The following SLCO6A1 variants were observed in gnomAD, a reference collection of about 807,000 sequenced individuals.
SLCO6A1 encodes the protein cancer/testis antigen 48.
In SLCO6A1, 65 loss-of-function variants were observed where a neutral mutation model predicts 72.7. The observed-to-expected ratio is 0.89, with a 90% CI of 0.73 to 1.10. The LOEUF is 1.10. Ranked by LOEUF, SLCO6A1 falls within the 50% of genes least tolerant of loss-of-function variation. SLCO6A1 has a pLI of 0.00. For synonymous variants in SLCO6A1, 314 were observed against 298.2 expected, an observed-to-expected ratio of 1.05 and a Z score of -0.55; for missense variants, 874 against 872.6, an observed-to-expected ratio of 1.00 and a Z score of -0.02.
At chr5:102,452,432 T>C (rs1326894638) in intron 6 of SLCO6A1, among the ~76,000 whole-genome samples, 1 of 152,172 alleles carries the variant, frequency 6.6e-6, no homozygotes, top group African/African-American at 2.4e-5. Flanking sequence ...TTTTTTCTTA[T>C]CCTCTGTTCT....
At position 102,459,665 on chromosome 5, in the gene SLCO6A1, T is replaced by C; in HGVS notation, c.1012A>G (p.Asn338Asp). The C allele has an allele frequency of 2.5e-6, 4 of 1,581,844 alleles. No homozygotes were observed. The highest frequency in any genetic ancestry group is 2.6e-6 in the Non-Finnish European group (3 of 1,170,838). The change falls in exon 5 of 14, where the codon AAT becomes GAT. Residue 338 changes from asparagine to aspartate, a missense_variant. Transcript: ENST00000506729. Reference protein sequence around the residue: ...TLIPLSCFPNNMPGSTRIKAR... With the variant: ...TLIPLSCFPNDMPGSTRIKAR... ...TACATTTTATAGTCACCTGGCATATTGTTTGGAAAGCATGACAATGGTATT... is the reference window on the plus strand; with the variant it reads ...TACATTTTATAGTCACCTGGCATATCGTTTGGAAAGCATGACAATGGTATT...
intron 6 of SLCO6A1, among the ~76,000 whole-genome samples, chr5:102,442,106 C>G (rs565126227): frequency 6.6e-6 from 1 of 152,232 alleles, no homozygotes; most frequent in African/African-American, 2.4e-5. Flanking sequence ...CTGCAACAGG[C>G]AGAATAAGAA....
chr5:102,484,737 C>T (rs528539995), intron 1 of SLCO6A1, among the ~76,000 whole-genome samples: 1 of 151,952 alleles, frequency 6.6e-6, no homozygotes, highest in African/African-American at 2.4e-5. Flanking sequence ...TAAAACATTT[C>T]CAAGCATTTT....
chr5:102,394,892 A>G (rs1017770334), intron 10 of SLCO6A1, among the ~76,000 whole-genome samples: 6 of 152,150 alleles, frequency 3.9e-5, no homozygotes, highest in Non-Finnish European at 7.4e-5. Flanking sequence ...AAGTTACAAC[A>G]GAACCATTTT....
chr5:102,481,640 T>A (rs1379006170), intron 1 of SLCO6A1, among the ~76,000 whole-genome samples: 1 of 152,112 alleles, frequency 6.6e-6, no homozygotes, highest in Non-Finnish European at 1.5e-5. Flanking sequence ...TGGTATACAT[T>A]TTCACCCTTC....
intron 5 of SLCO6A1, among the ~76,000 whole-genome samples, chr5:102,459,163 G>A (rs1025116107): frequency 5.9e-5 from 9 of 152,074 alleles, no homozygotes; most frequent in Admixed American, 3.9e-4. Context: ...TAATCTCAAC[G>A]CGTTGTGAAG....
At chr5:102,382,945 T>C (rs1746192271) in intron 12 of SLCO6A1, among the ~76,000 whole-genome samples, 2 of 140,748 alleles carry the variant, frequency 1.4e-5, no homozygotes, top group Admixed American at 1.4e-4. Context: ...TGTGTGTATA[T>C]ATATGAGAGA....
Position 102,420,016 on chromosome 5 carries a change from C to T in SLCO6A1, c.1282G>A (p.Val428Ile). ...CCAAGTGCACCTCCTGGAATTAAAA[C>T]AAGTCCTAAAAAAAAGGAGGAGAAA... ...PTVATTLAGL[V>I]LIPGGALGQL... The change falls in exon 8 of 14, where the codon GTT becomes ATT. Residue 428 changes from valine (V) to isoleucine (I), a missense_variant. Physicochemically the swap from Val to Ile is conservative, Grantham distance 29 (BLOSUM62 3). Transcript: ENST00000506729. 6.4e-7 allele frequency: 1 copy of T among 1,563,652 alleles called. No individual in the cohort carries two copies. Among genetic ancestry groups the T allele is most frequent in the Non-Finnish European group, 8.6e-7 (1 of 1,163,910 alleles).
intron 8 of SLCO6A1, among the ~76,000 whole-genome samples, chr5:102,415,233 G>A (rs1211442746): frequency 6.6e-6 from 1 of 151,934 alleles, no homozygotes; most frequent in Non-Finnish European, 1.5e-5. Context: ...AACAAAACTA[G>A]AAGCCCAAAT....
chr5:102,455,282 T>C (rs1750650470), intron 6 of SLCO6A1, among the ~76,000 whole-genome samples: 1 of 151,994 alleles, frequency 6.6e-6, no homozygotes. Context: ...GAAAATTCAG[T>C]TGATGCTACT....
At chr5:102,445,091 A>G (rs1750035914) in intron 6 of SLCO6A1, among the ~76,000 whole-genome samples, 1 of 152,182 alleles carries the variant, frequency 6.6e-6, no homozygotes, top group South Asian at 2.1e-4. Context: ...TATATCCAGT[A>G]ATGGATTGCT....
intron 10 of SLCO6A1, among the ~76,000 whole-genome samples, chr5:102,398,668 C>T (rs1007888059): frequency 2.6e-5 from 4 of 152,156 alleles, no homozygotes; most frequent in African/African-American, 7.2e-5. Context: ...CAAAGAAGGT[C>T]GTGTTAATGT....
intron 1 of SLCO6A1, among the ~76,000 whole-genome samples, chr5:102,491,633 G>A (rs1012682869): frequency 2.6e-5 from 4 of 152,370 alleles, no homozygotes; most frequent in African/African-American, 9.6e-5. Context: ...TGGCCCGGTG[G>A]CTCCGAGTTC....
At position 102,422,613 on chromosome 5, in the gene SLCO6A1, T is replaced by C. The variant is rs140402306; in HGVS notation, c.1277-2592A>G. 2.6e-3 allele frequency among the ~76,000 whole-genome samples: 393 copies of C among 152,170 alleles called. 1 individual carries two copies. The highest frequency in any genetic ancestry group is 9.0e-3 in the African/African-American group (372 of 41,530). On this transcript the variant is annotated intron_variant, in intron 7 of 13. Coordinates refer to ENST00000506729, the MANE Select transcript of SLCO6A1 (RefSeq NM_173488.5). ...AGGAATGAACAAAGCCTAAAAGATA[T>C]ATGGGACTCTATGAAAAGACCAAAC...
chr5:102,475,765 T>A lies in SLCO6A1; in HGVS notation c.831A>T (p.Gly277=), dbSNP rs376082954. The A allele has an allele frequency of 6.2e-7, 1 of 1,609,300 alleles. No homozygotes were observed. The highest frequency in any genetic ancestry group is 8.5e-7 in the Non-Finnish European group (1 of 1,177,504). ...CTCCTAGCACATAACCCAGAGCATA[T>A]CCAATCATTGATGTACATTCTGCAA... ...LGIAECTSMI[G]YALGYVLGAP... Residue 277 remains glycine (G), a synonymous_variant, in exon 4 of 14, where the codon GGA becomes GGT. Transcript: ENST00000506729.
At chr5:102,393,270 G>A (rs1296668217) in intron 10 of SLCO6A1, among the ~76,000 whole-genome samples, 2 of 152,106 alleles carry the variant, frequency 1.3e-5, no homozygotes, top group African/African-American at 4.8e-5. Flanking sequence ...GCTTCCCATT[G>A]TTCTAAGAAT....
At chr5:102,388,331 T>C (rs907793212) in intron 12 of SLCO6A1, among the ~76,000 whole-genome samples, 1 of 151,822 alleles carries the variant, frequency 6.6e-6, no homozygotes, top group Non-Finnish European at 1.5e-5. Flanking sequence ...ATAATCCTTT[T>C]ATTATTTTTT....
chr5:102,488,156 TATAATG>T (rs1470135361), intron 1 of SLCO6A1, among the ~76,000 whole-genome samples: 2 of 152,190 alleles, frequency 1.3e-5, no homozygotes, highest in African/African-American at 4.8e-5. Context: ...GGGAAAATTT[TATAATG>T]ATAAAGAGTA....
intron 9 of SLCO6A1, among the ~76,000 whole-genome samples, chr5:102,410,011 T>C (rs994310216): frequency 6.6e-6 from 1 of 152,128 alleles, no homozygotes; most frequent in African/African-American, 2.4e-5. Context: ...GGGGTGTCAC[T>C]TTGGAGGCTG....
Sources: allele counts gnomAD v4.1 joint callset (sites outside exome capture counted in the v4.1 genomes callset), GRCh38; gene constraint gnomAD v4.1.1; transcripts MANE v1.5; gene names NCBI Gene and HGNC (gene_info 2026-07-23, HGNC 2026-07-21).